The following MAP4K4 variants were observed in gnomAD, a reference collection of about 807,000 sequenced individuals.
The protein encoded by MAP4K4 is HPK/GCK-like kinase HGK.
A neutral mutation model predicts 189.6 loss-of-function variants in MAP4K4; 38 were observed. That is an observed-to-expected ratio of 0.20 (90% CI 0.15 to 0.26). The LOEUF (loss-of-function observed/expected upper bound fraction) is 0.26. MAP4K4 is among the 10% of genes least tolerant of loss of function. MAP4K4 has a pLI of 1.00. For missense variants in MAP4K4, 1,054 were observed against 1,726.9 expected (o/e 0.61, Z 6.91); for synonymous variants, 610 against 624.3 (o/e 0.98, Z 0.34).
intron 2 of MAP4K4, among the ~76,000 whole-genome samples, chr2:101,765,297 A>G (rs2078139277): frequency 6.6e-6 from 1 of 152,184 alleles, no homozygotes; most frequent in Admixed American, 6.5e-5. Context: ...TAGCTGTGCT[A>G]ATGGCATGTG....
intron 3 of MAP4K4, among the ~76,000 whole-genome samples, chr2:101,813,191 A>G (rs1200216848): frequency 6.6e-6 from 1 of 152,212 alleles, no homozygotes; most frequent in African/African-American, 2.4e-5. Context: ...TTAGAGGTTT[A>G]TGTAATGGAA....
chr2:101,699,433 C>G (rs1467423104), intron 2 of MAP4K4, among the ~76,000 whole-genome samples: 1 of 152,030 alleles, frequency 6.6e-6, no homozygotes, highest in Non-Finnish European at 1.5e-5. Flanking sequence ...AAATTCAGAA[C>G]GGAATGTTAA....
chr2:101,820,938 C>A (rs1313336451), intron 3 of MAP4K4, among the ~76,000 whole-genome samples: 1 of 152,188 alleles, frequency 6.6e-6, no homozygotes, highest in Non-Finnish European at 1.5e-5. Flanking sequence ...TATTTGGGGG[C>A]ATGCTTCCTC....
chr2:101,866,752 A>G (rs890267006), intron 19 of MAP4K4, among the ~76,000 whole-genome samples, 173 bp downstream of exon 19: 1 of 148,828 alleles, frequency 6.7e-6, no homozygotes, highest in African/African-American at 2.5e-5. Flanking sequence ...AAAGGAGCTA[A>G]ATTTTGAGAG....
chr2:101,752,003 C>T (rs1321811598), intron 2 of MAP4K4, among the ~76,000 whole-genome samples: 2 of 152,302 alleles, frequency 1.3e-5, no homozygotes, highest in South Asian at 2.1e-4. Flanking sequence ...TTCTGATCCT[C>T]ATAGAGCAGG....
chr2:101,800,086 C>G (rs937818924), intron 3 of MAP4K4, among the ~76,000 whole-genome samples: 2 of 151,586 alleles, frequency 1.3e-5, no homozygotes, highest in African/African-American at 4.9e-5. Context: ...AAAGAATGCC[C>G]CAAGACAAAA....
chr2:101,783,794 A>G (rs2089115651), intron 2 of MAP4K4, among the ~76,000 whole-genome samples: 1 of 152,210 alleles, frequency 6.6e-6, no homozygotes, highest in East Asian at 1.9e-4. Flanking sequence ...TGTTGCAGGT[A>G]CACGTCACAC....
chr2:101,753,276 T>G (rs2070194065), intron 2 of MAP4K4, among the ~76,000 whole-genome samples: 1 of 152,226 alleles, frequency 6.6e-6, no homozygotes, highest in South Asian at 2.1e-4. Context: ...TGCCTTTGAT[T>G]TAAAGAGTTA....
intron 26 of MAP4K4, among the ~76,000 whole-genome samples, chr2:101,874,843 A>G (rs1559296778): frequency 2.0e-5 from 3 of 152,222 alleles, no homozygotes; most frequent in African/African-American, 7.2e-5. Flanking sequence ...TAGAAGATAG[A>G]GTGTAAGTGC....
intron 21 of MAP4K4, among the ~76,000 whole-genome samples, chr2:101,868,546 G>C (rs1282449271): frequency 6.6e-6 from 1 of 152,250 alleles, no homozygotes; most frequent in Non-Finnish European, 1.5e-5. Flanking sequence ...TTGAGTCTTA[G>C]AGTATCTCAG....
At position 101,803,028 on chromosome 2, in the gene MAP4K4, C is replaced by T. The variant is rs183287617; in HGVS notation, c.180+12252C>T. ...CTCGAACTACTGACCTCAGGTGATC[C>T]GCCCACCTCAGCCTCCCAAAGTGCT... On this transcript the variant is annotated intron_variant, in intron 3 of 32. Coordinates refer to ENST00000324219, the Ensembl canonical transcript of MAP4K4. Among the ~76,000 whole-genome samples the T allele has an allele frequency of 1.6e-3, 249 of 152,252 alleles. 1 individual carries two copies. The highest frequency in any genetic ancestry group is 5.4e-3 in the African/African-American group (225 of 41,540).
At chr2:101,845,390 C>T (rs577183864) in intron 12 of MAP4K4, among the ~76,000 whole-genome samples, 1 of 152,240 alleles carries the variant, frequency 6.6e-6, no homozygotes, top group Non-Finnish European at 1.5e-5. Context: ...TTTCCCTATA[C>T]AGTCATGGGT....
intron 27 of MAP4K4, 132 bp from the exon 28 acceptor site, chr2:101,882,419 C>T (rs2098414728): frequency 1.7e-6 from 1 of 586,888 alleles, no homozygotes; most frequent in Non-Finnish European, 2.7e-6. Flanking sequence ...TACACATCTC[C>T]AACTTGTGAC....
intron 2 of MAP4K4, among the ~76,000 whole-genome samples, chr2:101,770,912 C>G (rs1204755801): frequency 6.6e-6 from 1 of 152,132 alleles, no homozygotes; most frequent in African/African-American, 2.4e-5. Context: ...CAAATAGCCC[C>G]ACAGTTACAT....
intron 2 of MAP4K4, among the ~76,000 whole-genome samples, chr2:101,701,186 A>G (rs1449755436): frequency 1.3e-5 from 2 of 152,200 alleles, no homozygotes; most frequent in African/African-American, 4.8e-5. Context: ...ATTTTTCATT[A>G]GCGCAGATGT....
chr2:101,823,889 G>A (rs778499315), intron 3 of MAP4K4, 39 bp from the exon 4 acceptor site: 17 of 1,549,046 alleles, frequency 1.1e-5, no homozygotes, highest in South Asian at 3.6e-5. Context: ...CATTCACATC[G>A]TTCAGTAGCC....
intron 2 of MAP4K4, among the ~76,000 whole-genome samples, chr2:101,712,455 A>G (rs941271848): frequency 6.6e-6 from 1 of 151,938 alleles, no homozygotes; most frequent in Non-Finnish European, 1.5e-5. Flanking sequence ...TGGCCTCCCA[A>G]AGTGCTGGGA....
At chr2:101,733,195 C>T (rs1400015436) in intron 2 of MAP4K4, among the ~76,000 whole-genome samples, 2 of 152,186 alleles carry the variant, frequency 1.3e-5, no homozygotes, top group Admixed American at 1.3e-4. Flanking sequence ...AAGCAGCCGG[C>T]CCCAACCCTG....
chr2:101,714,900 T>G (rs2047587224), intron 2 of MAP4K4, among the ~76,000 whole-genome samples: 1 of 152,168 alleles, frequency 6.6e-6, no homozygotes, highest in Admixed American at 6.5e-5. Context: ...CTTAAGAAAT[T>G]CTTGCCACCC....
Sources: allele counts gnomAD v4.1 joint callset (sites outside exome capture counted in the v4.1 genomes callset), GRCh38; gene constraint gnomAD v4.1.1; transcripts MANE v1.5; gene names NCBI Gene and HGNC (gene_info 2026-07-23, HGNC 2026-07-21).